MAPK9: variants seen among roughly 807,000 people sequenced by gnomAD.
The protein encoded by MAPK9 is Jun kinase.
MAPK9 carries 30 observed loss-of-function variants against 57.1 expected under a neutral mutation model. The observed-to-expected ratio is 0.53, with a 90% CI of 0.39 to 0.71. MAPK9 has a LOEUF of 0.71. MAPK9 is among the 30% of genes least tolerant of loss of function. The probability of loss-of-function intolerance (pLI) is 0.00; values close to 1 mark genes in which losing one functional copy is unlikely to be tolerated. For synonymous variants in MAPK9, 155 were observed against 177.0 expected, an observed-to-expected ratio of 0.88 and a Z score of 0.99; for missense variants, 362 against 521.0, an observed-to-expected ratio of 0.69 and a Z score of 2.97.
rs947099256 is a variant in MAPK9, at chr5:180,234,626, A to G, written c.*1758T>C. The G allele has an allele frequency of 1.3e-5, 2 of 152,258 alleles. No homozygotes were observed. Among genetic ancestry groups the G allele is most frequent in the Admixed American group, 6.5e-5 (1 of 15,290 alleles). The allele number at this position is 152,258 out of a possible 1,614,324, so 9.4% of individuals were successfully genotyped here. A position where few individuals can be genotyped will look rare whatever the true frequency, so the allele number is the denominator to read the frequency against. Reference sequence around the variant, plus strand: ...GATAGATTTAGTGAAGTCTTTTAAAAGAAAGTGTATTACAGAGAAGGCCAT... The same window carrying G: ...GATAGATTTAGTGAAGTCTTTTAAAGGAAAGTGTATTACAGAGAAGGCCAT... On this transcript the variant is annotated 3_prime_UTR_variant, in exon 12 of 12. Coordinates refer to ENST00000452135, the MANE Select transcript of MAPK9 (RefSeq NM_002752.5).
chr5:180,278,228 C>T (rs1313751184), intron 2 of MAPK9, among the ~76,000 whole-genome samples: 1 of 152,224 alleles, frequency 6.6e-6, no homozygotes, highest in East Asian at 1.9e-4. Context: ...CCAGGCCTAC[C>T]ACTAACACCC....
At chr5:180,249,709 T>C (rs1263125791) in intron 5 of MAPK9, among the ~76,000 whole-genome samples, 1 of 152,252 alleles carries the variant, frequency 6.6e-6, no homozygotes, top group Non-Finnish European at 1.5e-5. Flanking sequence ...CTCAACAGCA[T>C]GCAGAAATAG....
At chr5:180,264,936 A>C in intron 3 of MAPK9, 97 bp from the exon 4 acceptor site, 1 of 1,013,700 alleles carries the variant, frequency 9.9e-7, no homozygotes, top group Non-Finnish European at 1.3e-6. Context: ...GAAAAAAATC[A>C]CAGCAGAATT....
At position 180,234,081 on chromosome 5, in the gene MAPK9, A is replaced by G. The variant is rs906859259; in HGVS notation, c.*2303T>C. On this transcript the variant is annotated 3_prime_UTR_variant, in exon 12 of 12. Coordinates refer to ENST00000452135, the MANE Select transcript of MAPK9 (RefSeq NM_002752.5). ...TCTTGGCTGGAAACTAAGTCAACAA[A>G]TGAAACAAACCTAGTCTAAATTCCA... 3 of 152,226 alleles carry G rather than the reference A, an allele frequency of 2.0e-5. No individual in the cohort carries two copies. Among genetic ancestry groups the G allele is most frequent in the African/African-American group, 7.2e-5 (3 of 41,460 alleles). The allele number at this position is 152,226 out of a possible 1,614,324, so 9.4% of individuals were successfully genotyped here.
At chr5:180,265,249 GCAT>G (rs1760407792) in intron 3 of MAPK9, among the ~76,000 whole-genome samples, 1 of 152,208 alleles carries the variant, frequency 6.6e-6, no homozygotes, top group African/African-American at 2.4e-5. Context: ...AGGCCTCGTA[GCAT>G]CATATTTTTA....
At chr5:180,236,567 A>T (rs758998860) in intron 11 of MAPK9, 41 bp from the exon 12 acceptor site, 7 of 1,595,562 alleles carry the variant, frequency 4.4e-6, no homozygotes, top group Non-Finnish European at 6.0e-6. Context: ...CTGAGGCACG[A>T]CATTGCTGCA....
At chr5:180,259,187 C>A (rs1759639897) in intron 5 of MAPK9, among the ~76,000 whole-genome samples, 1 of 152,056 alleles carries the variant, frequency 6.6e-6, no homozygotes, top group Admixed American at 6.5e-5. Flanking sequence ...AAAGAACTCA[C>A]ACTGGAGAGG....
At position 180,280,528 on chromosome 5, in the gene MAPK9, T is replaced by C. The variant is rs78068171; in HGVS notation, c.34A>G (p.Ser12Gly). The C allele has an allele frequency of 4.3e-4, 689 of 1,614,166 alleles. 5 individuals are homozygous for C. The East Asian group carries it at 0.015, about 35-fold the overall frequency. The change falls in exon 2 of 12, where the codon AGT becomes GGT. Residue 12 changes from serine to glycine, a missense_variant. Transcript: ENST00000452135. ...AAGGTTGAGTCTGCCACTTGCACAC[T>C]ATAAAACTGACTGTCACATTTACTG... is the stretch of plus-strand genomic sequence containing the variant. ...SDSKCDSQFY[S>G]VQVADSTFTV... is the part of the protein sequence containing the mutation.
chr5:180,261,893 C>A, intron 4 of MAPK9, 71 bp from the exon 5 acceptor site: 1 of 1,310,518 alleles, frequency 7.6e-7, no homozygotes, highest in South Asian at 1.5e-5. Context: ...TTTCATGAAA[C>A]TGTAACTTAC....
chr5:180,254,603 G>A (rs1759073729), intron 5 of MAPK9, among the ~76,000 whole-genome samples: 1 of 152,158 alleles, frequency 6.6e-6, no homozygotes, highest in South Asian at 2.1e-4. Flanking sequence ...TGAAGGCCAA[G>A]TGCCCAGCAA....
At chr5:180,253,110 G>A (rs1758883423) in intron 5 of MAPK9, among the ~76,000 whole-genome samples, 1 of 152,234 alleles carries the variant, frequency 6.6e-6, no homozygotes. Context: ...ACCTCCCACA[G>A]AGCCGTCAGC....
At chr5:180,267,517 G>C (rs745467715) in intron 3 of MAPK9, among the ~76,000 whole-genome samples, 36 of 145,470 alleles carry the variant, frequency 2.5e-4, no homozygotes, top group Admixed American at 4.9e-4. Context: ...AGCTGAGATC[G>C]CGCCACTGCC....
At chr5:180,267,798 T>G (rs1442443101) in intron 3 of MAPK9, among the ~76,000 whole-genome samples, 3 of 142,288 alleles carry the variant, frequency 2.1e-5, no homozygotes, top group Admixed American at 1.4e-4. Flanking sequence ...GGTGACAGAA[T>G]GAGACCCTGT....
chr5:180,281,709 GA>G (rs1158925087), intron 1 of MAPK9, among the ~76,000 whole-genome samples: 4 of 152,004 alleles, frequency 2.6e-5, no homozygotes, highest in Non-Finnish European at 4.4e-5. Context: ...CTTAAACATG[GA>G]AAAAATGGAT....
At position 180,233,921 on chromosome 5, in the gene MAPK9, C is replaced by G. The variant is rs1757003015; in HGVS notation, c.*2463G>C. The G allele has an allele frequency of 6.6e-6, 1 of 152,268 alleles. No individual in the cohort carries two copies. Among genetic ancestry groups the G allele is most frequent in the African/African-American group, 2.4e-5 (1 of 41,460 alleles). The allele number at this position is 152,268 out of a possible 1,614,324, so 9.4% of individuals were successfully genotyped here. ...GGCTCTGCGTCTCACCTGCTCCCATCTCCAGGCCCACGGCTGACACGGTAT... is the reference window on the plus strand; with the variant it reads ...GGCTCTGCGTCTCACCTGCTCCCATGTCCAGGCCCACGGCTGACACGGTAT... On this transcript the variant is annotated 3_prime_UTR_variant, in exon 12 of 12. Transcript: ENST00000452135.
At chr5:180,289,867 C>G (rs1763081606) in intron 1 of MAPK9, among the ~76,000 whole-genome samples, 1 of 152,174 alleles carries the variant, frequency 6.6e-6, no homozygotes, top group Non-Finnish European at 1.5e-5. Context: ...TGCTGCCTTC[C>G]TTTTTAGAGA....
At chr5:180,261,504 T>A (rs1379455135) in intron 5 of MAPK9, among the ~76,000 whole-genome samples, 180 bp downstream of exon 5, 1 of 152,368 alleles carries the variant, frequency 6.6e-6, no homozygotes, top group Middle Eastern at 3.4e-3. Flanking sequence ...TGGTCTAGCC[T>A]GGCAGGCCAG....
intron 4 of MAPK9, among the ~76,000 whole-genome samples, chr5:180,264,338 T>C (rs1269846720): frequency 6.6e-6 from 1 of 152,230 alleles, no homozygotes; most frequent in Non-Finnish European, 1.5e-5. Context: ...TTGGGCATTA[T>C]GCCTCTCAAT....
chr5:180,289,784 G>A (rs969383357), intron 1 of MAPK9, among the ~76,000 whole-genome samples: 2 of 152,120 alleles, frequency 1.3e-5, no homozygotes, highest in Admixed American at 1.3e-4. Flanking sequence ...ATCTGTATTT[G>A]GCTTGGCTCA....
Sources: gnomAD v4.1 joint callset for allele counts (sites outside exome capture counted in the v4.1 genomes callset) on GRCh38, gnomAD v4.1.1 for gene constraint, MANE v1.5 for transcripts, NCBI Gene and HGNC (gene_info 2026-07-23, HGNC 2026-07-21) for gene names.